BRINP3: variants seen among roughly 807,000 people sequenced by gnomAD.
The protein encoded by BRINP3 is BMP/retinoic acid inducible neural specific 3, also known as BMP/retinoic acid-inducible neural-specific protein 3.
In BRINP3, 19 loss-of-function variants were observed where a neutral mutation model predicts 71.0. The observed-to-expected ratio is 0.27, with a 90% CI of 0.19 to 0.39. BRINP3 has a LOEUF of 0.39. BRINP3 is among the 10% of genes least tolerant of loss of function. The pLI is 1.00. For synonymous variants in BRINP3, 380 were observed against 337.7 expected (o/e 1.13, Z -1.37); for missense variants, 959 against 940.8 (o/e 1.02, Z -0.25).
chr1:190,360,525 A>G (rs1297862579), intron 2 of BRINP3, among the ~76,000 whole-genome samples: 1 of 152,208 alleles, frequency 6.6e-6, no homozygotes, highest in African/African-American at 2.4e-5. Context: ...AGTGCGTTAC[A>G]TATGAATTCT....
chr1:190,360,158 A>G (rs773066330), intron 2 of BRINP3, among the ~76,000 whole-genome samples: 2 of 152,300 alleles, frequency 1.3e-5, no homozygotes, highest in Non-Finnish European at 2.9e-5. Flanking sequence ...AAACATCTTC[A>G]ACAGATACAA....
chr1:190,324,052 T>C (rs575716287), intron 2 of BRINP3, among the ~76,000 whole-genome samples: 1 of 152,086 alleles, frequency 6.6e-6, no homozygotes, highest in South Asian at 2.1e-4. Context: ...CAATTAAAAC[T>C]GTTTTAAACC....
At chr1:190,302,564 T>G (rs1485753506) in intron 2 of BRINP3, 1 of 151,872 alleles carries the variant, frequency 6.6e-6, no homozygotes, top group African/African-American at 2.4e-5. Flanking sequence ...TACACATGAT[T>G]ATTCATATTT....
At position 190,240,872 on chromosome 1, in the gene BRINP3, CAAAAAAAAA is replaced by C. The variant is rs71123078; in HGVS notation, c.619-6404_619-6396del. Among the ~76,000 whole-genome samples the C allele has an allele frequency of 1.3e-3, 50 of 38,266 alleles. 1 individual carries two copies. The highest frequency in any genetic ancestry group is 1.6e-3 in the Non-Finnish European group (37 of 22,634). The allele number at this position is 38,266 out of a possible 152,430, so 25.1% of individuals were successfully genotyped here. A position where few individuals can be genotyped will look rare whatever the true frequency, so the allele number is the denominator to read the frequency against. ...GGGCAATAAGAGTGAAACTCTGTCT[CAAAAAAAAA>C]AAAAAAAAAAAAAAAAAAACCACCC... is the stretch of plus-strand genomic sequence containing the variant. On this transcript the variant is annotated intron_variant, in intron 4 of 7. Coordinates refer to ENST00000367462, the MANE Select transcript of BRINP3 (RefSeq NM_199051.3).
chr1:190,154,965 T>A (rs559596497), intron 7 of BRINP3, among the ~76,000 whole-genome samples: 1 of 152,190 alleles, frequency 6.6e-6, no homozygotes. Flanking sequence ...TTAACGGCAA[T>A]GATAACAATA....
chr1:190,401,281 C>T (rs1342962647), intron 2 of BRINP3, among the ~76,000 whole-genome samples: 4 of 150,822 alleles, frequency 2.7e-5, no homozygotes, highest in East Asian at 2.0e-4. Flanking sequence ...TCACTTGAAC[C>T]CAGGAGGTGG....
In BRINP3 at chr1:190,429,965, T is replaced by C. The variant is rs185827820; in HGVS notation, c.236+24690A>G. ...ATATATTTTTACAGTCTCAAACATATACTTAAGGAACATAACAAAACATAA... is the reference window on the plus strand; with the variant it reads ...ATATATTTTTACAGTCTCAAACATACACTTAAGGAACATAACAAAACATAA... On this transcript the variant is annotated intron_variant, in intron 2 of 7. Transcript: ENST00000367462. Among the ~76,000 whole-genome samples, 73 of 152,256 alleles carry C rather than the reference T, an allele frequency of 4.8e-4. 1 individual carries two copies. The Middle Eastern group carries it at 0.01, about 21-fold the overall frequency.
intron 2 of BRINP3, among the ~76,000 whole-genome samples, chr1:190,414,070 G>A (rs1177281225): frequency 2.0e-5 from 3 of 151,918 alleles, no homozygotes; most frequent in Non-Finnish European, 4.4e-5. Context: ...TCAGGCATGA[G>A]CCACCCTACC....
chr1:190,160,425 T>A (rs1657245421), intron 7 of BRINP3, among the ~76,000 whole-genome samples: 1 of 152,068 alleles, frequency 6.6e-6, no homozygotes, highest in Admixed American at 6.6e-5. Context: ...TTAGAATGAT[T>A]TCTTCATTTT....
At chr1:190,294,192 G>GT (rs1363460919) in intron 2 of BRINP3, among the ~76,000 whole-genome samples, 1 of 150,398 alleles carries the variant, frequency 6.6e-6, no homozygotes, top group Non-Finnish European at 1.5e-5. Flanking sequence ...ATTTATTATA[G>GT]TTTTTGGCAT....
intron 7 of BRINP3, among the ~76,000 whole-genome samples, chr1:190,112,227 A>G (rs888313513): frequency 1.3e-5 from 2 of 152,214 alleles, no homozygotes; most frequent in Non-Finnish European, 2.9e-5. Flanking sequence ...CTTGTTGAAG[A>G]TAAAACCTGG....
intron 7 of BRINP3, among the ~76,000 whole-genome samples, chr1:190,148,471 C>A (rs1656095952): frequency 6.6e-6 from 1 of 151,724 alleles, no homozygotes; most frequent in Non-Finnish European, 1.5e-5. Flanking sequence ...TGGCGGGCGC[C>A]TGTAGTCCCA....
At chr1:190,333,518 C>A (rs1245373850) in intron 2 of BRINP3, among the ~76,000 whole-genome samples, 1 of 151,794 alleles carries the variant, frequency 6.6e-6, no homozygotes, top group Non-Finnish European at 1.5e-5. Flanking sequence ...TATTAATGAT[C>A]AAATTATGTG....
Position 190,428,869 on chromosome 1 carries a change from T to C in BRINP3, c.236+25786A>G, listed in dbSNP as rs1244731213. On this transcript the variant is annotated intron_variant, in intron 2 of 7. Coordinates refer to ENST00000367462, the MANE Select transcript of BRINP3 (RefSeq NM_199051.3). ...TGCAATAATATTTTCCAAGTAAATT[T>C]TTTGAAATACAATTTAAAGCATTTA... Among the ~76,000 whole-genome samples, 6 of 152,242 alleles carry C rather than the reference T, an allele frequency of 3.9e-5. 1 individual carries two copies. In the East Asian group the frequency reaches 1.2e-3, roughly 29 times the overall value.
intron 6 of BRINP3, among the ~76,000 whole-genome samples, chr1:190,209,090 CTT>C (rs990772741): frequency 1.3e-5 from 2 of 151,904 alleles, no homozygotes; most frequent in African/African-American, 4.8e-5. Context: ...GAAAATCAAA[CTT>C]AAATTTTCAT....
chr1:190,229,647 C>A (rs959249090), intron 5 of BRINP3, among the ~76,000 whole-genome samples: 1 of 90,342 alleles, frequency 1.1e-5, no homozygotes, highest in Admixed American at 1.2e-4. Context: ...CAAAACAAAA[C>A]ACACACACAC....
chr1:190,137,302 T>A lies in BRINP3; in HGVS notation c.1184+23366A>T, dbSNP rs181042292. ...AGGATGCCAGTTTATCCGGTTTTTA[T>A]TTTTGGAAAAGAAATACTCTGATTG... On this transcript the variant is annotated intron_variant, in intron 7 of 7. Transcript: ENST00000367462. 4.1e-4 allele frequency among the ~76,000 whole-genome samples: 63 copies of A among 152,232 alleles called. 2 individuals carry two copies. In the East Asian group the frequency reaches 0.011, roughly 28 times the overall value.
intron 2 of BRINP3, among the ~76,000 whole-genome samples, chr1:190,367,449 T>G (rs1405083080): frequency 6.6e-6 from 1 of 152,194 alleles, no homozygotes; most frequent in East Asian, 1.9e-4. Flanking sequence ...AGGCCTGTGA[T>G]AGGAGGTGCT....
At chr1:190,328,373 A>G (rs1352027542) in intron 2 of BRINP3, among the ~76,000 whole-genome samples, 1 of 152,214 alleles carries the variant, frequency 6.6e-6, no homozygotes, top group East Asian at 1.9e-4. Context: ...GACAAATATG[A>G]CATTGCAATT....
Sources: allele counts gnomAD v4.1 joint callset (sites outside exome capture counted in the v4.1 genomes callset), GRCh38; gene constraint gnomAD v4.1.1; transcripts MANE v1.5; gene names NCBI Gene and HGNC (gene_info 2026-07-23, HGNC 2026-07-21).